The following DLGAP2 variants were observed in gnomAD, a reference collection of about 807,000 sequenced individuals.
DLGAP2 encodes disks large-associated protein 2.
DLGAP2 carries 26 observed loss-of-function variants against 100.3 expected under a neutral mutation model. The observed-to-expected ratio is 0.26, with a 90% CI of 0.19 to 0.36. The LOEUF is 0.36. Among genes scored for constraint, DLGAP2 ranks in the 10% least tolerant of loss-of-function variants. The pLI is 1.00. For missense variants in DLGAP2, 1,858 were observed against 1,453.2 expected (o/e 1.28, Z -4.53); for synonymous variants, 886 against 630.1 (o/e 1.41, Z -6.08).
chr8:938,703 C>T (rs988706470), intron 2 of DLGAP2, among the ~76,000 whole-genome samples: 3 of 152,178 alleles, frequency 2.0e-5, no homozygotes, highest in African/African-American at 7.2e-5. Flanking sequence ...TGTAGCTCAG[C>T]TTGTGGGGGG....
intron 5 of DLGAP2, among the ~76,000 whole-genome samples, chr8:1,560,492 C>T (rs1424351475): frequency 6.6e-6 from 1 of 152,128 alleles, no homozygotes; most frequent in African/African-American, 2.4e-5. Context: ...TGTCATTTCT[C>T]CTCTTTCCCT....
At chr8:1,062,762 C>T (rs372145633) in intron 2 of DLGAP2, among the ~76,000 whole-genome samples, 1 of 152,222 alleles carries the variant, frequency 6.6e-6, no homozygotes, top group East Asian at 1.9e-4. Context: ...TGACTGTAAT[C>T]CAGGGAGCAT....
At chr8:1,475,816 C>T (rs192829585) in intron 3 of DLGAP2, among the ~76,000 whole-genome samples, 1 of 152,168 alleles carries the variant, frequency 6.6e-6, no homozygotes, top group Non-Finnish European at 1.5e-5. Flanking sequence ...TATAGGAGAT[C>T]ATTACTCTTT....
chr8:1,535,642 A>G (rs1801132297), intron 4 of DLGAP2, among the ~76,000 whole-genome samples: 1 of 152,348 alleles, frequency 6.6e-6, no homozygotes, highest in East Asian at 1.9e-4. Flanking sequence ...TTTAAGGCAT[A>G]CTTCGTGTGC....
intron 4 of DLGAP2, among the ~76,000 whole-genome samples, chr8:1,536,449 A>G (rs917979765): frequency 2.0e-5 from 3 of 152,214 alleles, no homozygotes; most frequent in Non-Finnish European, 4.4e-5. Flanking sequence ...ATACAGAGGC[A>G]GGTGCATTAA....
intron 1 of DLGAP2, among the ~76,000 whole-genome samples, chr8:821,603 G>A (rs1387018523): frequency 6.6e-6 from 1 of 152,096 alleles, no homozygotes; most frequent in Non-Finnish European, 1.5e-5. Context: ...TTTGTCTCCT[G>A]GAAAGAAAAT....
At chr8:845,541 T>C (rs1380929487) in intron 1 of DLGAP2, among the ~76,000 whole-genome samples, 1 of 152,270 alleles carries the variant, frequency 6.6e-6, no homozygotes, top group East Asian at 1.9e-4. Flanking sequence ...TGAGGATTTA[T>C]GTATTCTAGA....
At chr8:1,163,007 G>A (rs1796921176) in intron 2 of DLGAP2, among the ~76,000 whole-genome samples, 1 of 152,196 alleles carries the variant, frequency 6.6e-6, no homozygotes, top group Non-Finnish European at 1.5e-5. Context: ...CCATCCACCT[G>A]GGAGCTTTGG....
At chr8:1,150,103 C>G (rs779302920) in intron 2 of DLGAP2, among the ~76,000 whole-genome samples, 59 of 152,088 alleles carry the variant, frequency 3.9e-4, no homozygotes, top group Non-Finnish European at 1.2e-4. Context: ...CTTGTTTTTT[C>G]TGGGGTTGTT....
At chr8:989,020 C>A (rs1460076279) in intron 2 of DLGAP2, among the ~76,000 whole-genome samples, 1 of 152,238 alleles carries the variant, frequency 6.6e-6, no homozygotes, top group Non-Finnish European at 1.5e-5. Context: ...CTCCCTGGAC[C>A]TTGTCTCTGC....
At position 1,383,407 on chromosome 8, in the gene DLGAP2, C is replaced by G. The variant is rs139240412; in HGVS notation, c.107-117959C>G. On this transcript the variant is annotated intron_variant, in intron 3 of 14. Coordinates refer to ENST00000637795, the MANE Select transcript of DLGAP2 (RefSeq NM_001346810.2). ...TGAGAAATGCATTAATAATCTCAGACTTTTATACAGAGATTCTGTCAAATG... is the reference window on the plus strand; with the variant it reads ...TGAGAAATGCATTAATAATCTCAGAGTTTTATACAGAGATTCTGTCAAATG... 6.9e-3 allele frequency among the ~76,000 whole-genome samples: 1,055 copies of G among 152,330 alleles called. 6 individuals are homozygous for G. The highest frequency in any genetic ancestry group is 0.012 in the Non-Finnish European group (803 of 68,030).
At chr8:1,296,738 G>A (rs537675842) in intron 3 of DLGAP2, among the ~76,000 whole-genome samples, 6 of 152,304 alleles carry the variant, frequency 3.9e-5, no homozygotes, top group Non-Finnish European at 5.9e-5. Flanking sequence ...CTTTGGGTTC[G>A]CTTGCGGGAA....
intron 6 of DLGAP2, among the ~76,000 whole-genome samples, chr8:1,580,521 C>G (rs1212625942): frequency 6.6e-6 from 1 of 152,180 alleles, no homozygotes; most frequent in African/African-American, 2.4e-5. Flanking sequence ...GAACCTGAAT[C>G]CCAGCCAGAA....
chr8:776,906 G>A (rs7341554), intron 1 of DLGAP2, among the ~76,000 whole-genome samples: 34,351 of 151,924 alleles, frequency 0.23, 4,426 homozygotes, highest in African/African-American at 0.34. Flanking sequence ...GGGTATCCTT[G>A]TTGACTTTCT....
At chr8:1,074,326 A>G (rs913454756) in intron 2 of DLGAP2, among the ~76,000 whole-genome samples, 1 of 152,072 alleles carries the variant, frequency 6.6e-6, no homozygotes, top group African/African-American at 2.4e-5. Flanking sequence ...TTTGCAGCAG[A>G]CTGAGGCTGA....
intron 3 of DLGAP2, among the ~76,000 whole-genome samples, chr8:1,390,168 C>G (rs1243939814): frequency 6.6e-6 from 1 of 151,840 alleles, no homozygotes; most frequent in Non-Finnish European, 1.5e-5. Flanking sequence ...ACTCTCTGAG[C>G]TCTCCAGATG....
At chr8:797,431 C>T (rs1274900466) in intron 1 of DLGAP2, among the ~76,000 whole-genome samples, 1 of 152,072 alleles carries the variant, frequency 6.6e-6, no homozygotes. Context: ...AAGAATGTGC[C>T]ACATTTCGCC....
chr8:1,263,827 C>A (rs73168491), intron 3 of DLGAP2, among the ~76,000 whole-genome samples: 1,895 of 152,212 alleles, frequency 0.012, 12 homozygotes, highest in Middle Eastern at 0.037. Context: ...CTCTCTGAGA[C>A]CACAGCTCTT....
chr8:948,322 C>A (rs1019079306), intron 2 of DLGAP2, among the ~76,000 whole-genome samples: 4 of 152,242 alleles, frequency 2.6e-5, no homozygotes, highest in African/African-American at 9.6e-5. Flanking sequence ...TGCGTGTCGC[C>A]TGCGGGCGTG....
Sources: allele counts gnomAD v4.1 joint callset (sites outside exome capture counted in the v4.1 genomes callset), GRCh38; gene constraint gnomAD v4.1.1; transcripts MANE v1.5; gene names NCBI Gene and HGNC (gene_info 2026-07-23, HGNC 2026-07-21).